Variants in HS3ST3A1 observed in about 807,000 individuals in gnomAD.
The protein encoded by HS3ST3A1 is heparan sulfate glucosamine 3-O-sulfotransferase 3A1.
HS3ST3A1 carries 19 observed loss-of-function variants against 25.7 expected under a neutral mutation model. The observed-to-expected ratio is 0.74, with a 90% confidence interval of 0.52 to 1.08. HS3ST3A1 has a LOEUF of 1.08. HS3ST3A1 is among the 50% of genes least tolerant of loss of function. HS3ST3A1 has a pLI of 0.00. For synonymous variants in HS3ST3A1, 226 were observed against 278.6 expected (o/e 0.81, Z 1.88); for missense variants, 459 against 594.3 (o/e 0.77, Z 2.37).
chr17:13,580,628 C>T (rs145243463), intron 1 of HS3ST3A1, among the ~76,000 whole-genome samples: 1 of 152,276 alleles, frequency 6.6e-6, no homozygotes, highest in Non-Finnish European at 1.5e-5. Flanking sequence ...TGCAGTGGCT[C>T]ACGCCTGTTA....
chr17:13,501,156 G>A (rs998284020), intron 1 of HS3ST3A1, among the ~76,000 whole-genome samples: 11 of 152,162 alleles, frequency 7.2e-5, no homozygotes, highest in South Asian at 2.1e-4. Context: ...TTTGAGTTTC[G>A]TAAGATTAAA....
chr17:13,523,400 G>A (rs1439769314), intron 1 of HS3ST3A1, among the ~76,000 whole-genome samples: 5 of 152,116 alleles, frequency 3.3e-5, no homozygotes, highest in Non-Finnish European at 7.4e-5. Flanking sequence ...CCACATTTGG[G>A]GGAAAATTAC....
At chr17:13,526,065 A>G (rs144440314) in intron 1 of HS3ST3A1, among the ~76,000 whole-genome samples, 1 of 151,916 alleles carries the variant, frequency 6.6e-6, no homozygotes, top group Admixed American at 6.6e-5. Flanking sequence ...TGCCATCTGC[A>G]GGCCTGAATC....
chr17:13,578,578 A>AT lies in HS3ST3A1; in HGVS notation c.599+21952_599+21953insA, dbSNP rs915391198. ...ACTCCATCTCAAAAAAAAAAAAAAA[A>AT]AAAAGTCAGGGTTTCCACAGTGGTG... is the stretch of plus-strand genomic sequence containing the variant. On this transcript the variant is annotated intron_variant, in intron 1 of 1. Coordinates refer to ENST00000284110, the MANE Select transcript of HS3ST3A1 (RefSeq NM_006042.3). 2.5e-4 allele frequency among the ~76,000 whole-genome samples: 38 copies of AT among 150,324 alleles called. 1 individual carries two copies. The highest frequency in any genetic ancestry group is 4.7e-4 in the Admixed American group (7 of 15,044).
chr17:13,567,036 G>A (rs1314443178), intron 1 of HS3ST3A1, among the ~76,000 whole-genome samples: 1 of 152,224 alleles, frequency 6.6e-6, no homozygotes, highest in East Asian at 1.9e-4. Flanking sequence ...TAGCTACAGA[G>A]AAGTTAATAC....
At chr17:13,521,973 C>T (rs1007513061) in intron 1 of HS3ST3A1, among the ~76,000 whole-genome samples, 5 of 152,194 alleles carry the variant, frequency 3.3e-5, no homozygotes, top group South Asian at 4.1e-4. Context: ...TCCACTCCCC[C>T]TCTAGGGTGT....
intron 1 of HS3ST3A1, among the ~76,000 whole-genome samples, chr17:13,508,327 C>G (rs1905752120): frequency 6.6e-6 from 1 of 152,202 alleles, no homozygotes; most frequent in African/African-American, 2.4e-5. Flanking sequence ...AGAGAAAACT[C>G]AAGGACTCTT....
chr17:13,581,005 C>T (rs866581930), intron 1 of HS3ST3A1, among the ~76,000 whole-genome samples: 2 of 152,138 alleles, frequency 1.3e-5, no homozygotes, highest in South Asian at 4.2e-4. Flanking sequence ...GTGCAACTTT[C>T]GCTTTTCTGT....
chr17:13,597,103 A>C (rs912461717), intron 1 of HS3ST3A1, among the ~76,000 whole-genome samples: 14 of 152,118 alleles, frequency 9.2e-5, no homozygotes, highest in Non-Finnish European at 1.9e-4. Context: ...AGAAACTGAA[A>C]TATAAGAAAT....
chr17:13,584,147 C>T (rs1323303371), intron 1 of HS3ST3A1, among the ~76,000 whole-genome samples: 1 of 152,058 alleles, frequency 6.6e-6, no homozygotes. Context: ...TGAGGAAAAA[C>T]CATAAGGTAT....
At chr17:13,561,359 G>A (rs564877473) in intron 1 of HS3ST3A1, among the ~76,000 whole-genome samples, 1 of 151,232 alleles carries the variant, frequency 6.6e-6, no homozygotes, top group African/African-American at 2.4e-5. Context: ...GTGAGCATTC[G>A]AGCATTCACC....
intron 1 of HS3ST3A1, among the ~76,000 whole-genome samples, chr17:13,500,047 A>C (rs904080820): frequency 6.6e-6 from 1 of 151,230 alleles, no homozygotes; most frequent in Non-Finnish European, 1.5e-5. Context: ...CAAAAAAGTC[A>C]ATAAAAGGGA....
intron 1 of HS3ST3A1, among the ~76,000 whole-genome samples, chr17:13,557,903 G>T (rs1344593853): frequency 2.6e-5 from 4 of 152,224 alleles, no homozygotes; most frequent in Non-Finnish European, 5.9e-5. Flanking sequence ...ACAAGCATTT[G>T]CTGTGTCCTG....
At chr17:13,517,303 G>T (rs771341912) in intron 1 of HS3ST3A1, among the ~76,000 whole-genome samples, 1 of 152,122 alleles carries the variant, frequency 6.6e-6, no homozygotes, top group Non-Finnish European at 1.5e-5. Flanking sequence ...TTTATTGAAC[G>T]TCTACCTTGG....
intron 1 of HS3ST3A1, among the ~76,000 whole-genome samples, chr17:13,510,070 C>T (rs1390212316): frequency 6.6e-6 from 1 of 152,204 alleles, no homozygotes; most frequent in African/African-American, 2.4e-5. Context: ...CTTCAGCCTA[C>T]CTGGTTCTCA....
At chr17:13,549,233 G>C (rs756980825) in intron 1 of HS3ST3A1, among the ~76,000 whole-genome samples, 5 of 152,004 alleles carry the variant, frequency 3.3e-5, no homozygotes, top group South Asian at 2.1e-4. Flanking sequence ...GAAGGTCTGC[G>C]GCTTCACTCC....
chr17:13,550,288 T>C (rs1219719059), intron 1 of HS3ST3A1, among the ~76,000 whole-genome samples: 2 of 152,214 alleles, frequency 1.3e-5, no homozygotes, highest in African/African-American at 4.8e-5. Context: ...TATTCCCTCT[T>C]CTTCCTGAGA....
At chr17:13,575,080 A>T (rs142599493) in intron 1 of HS3ST3A1, among the ~76,000 whole-genome samples, 1 of 150,894 alleles carries the variant, frequency 6.6e-6, no homozygotes, top group Non-Finnish European at 1.5e-5. Context: ...TAATAATCCC[A>T]TCTCCTTCAG....
intron 1 of HS3ST3A1, among the ~76,000 whole-genome samples, chr17:13,577,134 C>G (rs1254313679): frequency 6.6e-6 from 1 of 152,208 alleles, no homozygotes; most frequent in Non-Finnish European, 1.5e-5. Context: ...ATTGCAAGAA[C>G]AGCACAGGAA....
Sources: gnomAD v4.1 joint callset for allele counts (sites outside exome capture counted in the v4.1 genomes callset) on GRCh38, gnomAD v4.1.1 for gene constraint, MANE v1.5 for transcripts, NCBI Gene and HGNC (gene_info 2026-07-23, HGNC 2026-07-21) for gene names.